The following OLFML2B variants were observed in gnomAD, a reference collection of about 807,000 sequenced individuals.
The protein encoded by OLFML2B is olfactomedin like 2B, also known as olfactomedin-like protein 2B.
Under a neutral mutation model 74.9 loss-of-function variants are expected in OLFML2B, and 57 were observed. That is an observed-to-expected ratio of 0.76 (90% CI 0.61 to 0.95). OLFML2B has a LOEUF of 0.95. Ranked by LOEUF, OLFML2B falls within the 40% of genes least tolerant of loss-of-function variation. The probability of loss-of-function intolerance (pLI) is 0.00; values close to 1 mark genes in which losing one functional copy is unlikely to be tolerated. For missense variants in OLFML2B, 986 were observed against 970.6 expected (o/e 1.02, Z -0.21); for synonymous variants, 388 against 405.8 (o/e 0.96, Z 0.53).
At position 161,984,958 on chromosome 1, in the gene OLFML2B, GGAGAGAGT is replaced by G; in HGVS notation, c.1489_1496del (p.Thr497HisfsTer15). 1 of 1,610,276 alleles carries G rather than the reference GGAGAGAGT, an allele frequency of 6.2e-7. No homozygotes were observed. Among genetic ancestry groups the G allele is most frequent in the Non-Finnish European group, 8.5e-7 (1 of 1,178,948 alleles). ...TCTGGGTGGTCGGCCCCGTGATTGT[GGAGAGAGT>G]GTCCTTGCACCTTCCTGGTGGAGAA... On this transcript the variant is annotated frameshift_variant, in exon 7 of 8. Transcript: ENST00000294794. LOFTEE classifies it high-confidence loss of function.
chr1:161,992,124 A>G (rs1406314044), intron 6 of OLFML2B, among the ~76,000 whole-genome samples: 1 of 152,258 alleles, frequency 6.6e-6, no homozygotes, highest in Non-Finnish European at 1.5e-5. Flanking sequence ...TAGATCTTCT[A>G]GATAACTTGC....
chr1:161,992,330 G>A (rs1296794083), intron 6 of OLFML2B, among the ~76,000 whole-genome samples: 1 of 152,242 alleles, frequency 6.6e-6, no homozygotes, highest in African/African-American at 2.4e-5. Context: ...TTAAGGGAAT[G>A]TCGTGGTTGG....
chr1:162,021,705 G>A (rs1044052196), intron 1 of OLFML2B, among the ~76,000 whole-genome samples: 5 of 152,152 alleles, frequency 3.3e-5, no homozygotes, highest in African/African-American at 1.2e-4. Flanking sequence ...TGACTTAAGC[G>A]GCTGTTCTTT....
intron 3 of OLFML2B, among the ~76,000 whole-genome samples, chr1:162,010,369 T>C (rs1690345852): frequency 2.0e-5 from 3 of 152,182 alleles, no homozygotes; most frequent in Admixed American, 2.0e-4. Context: ...AGGTGTCCAC[T>C]GCTAACTTCA....
At chr1:162,011,390 A>C (rs997546321) in intron 3 of OLFML2B, among the ~76,000 whole-genome samples, 7 of 152,190 alleles carry the variant, frequency 4.6e-5, no homozygotes, top group African/African-American at 1.4e-4. Flanking sequence ...CCATCAGCTC[A>C]CCGTGCTCAA....
At chr1:162,020,970 T>C (rs1156859224) in intron 1 of OLFML2B, among the ~76,000 whole-genome samples, 3 of 152,184 alleles carry the variant, frequency 2.0e-5, no homozygotes, top group Non-Finnish European at 4.4e-5. Context: ...GATAAAGAGA[T>C]GGGCCAGATG....
chr1:162,021,260 C>T (rs1376594847), intron 1 of OLFML2B, among the ~76,000 whole-genome samples: 4 of 152,232 alleles, frequency 2.6e-5, no homozygotes, highest in African/African-American at 4.8e-5. Flanking sequence ...TGAACCTAAA[C>T]CCCAGGCCAA....
At chr1:161,993,832 G>C (rs1027530828) in intron 6 of OLFML2B, among the ~76,000 whole-genome samples, 1 of 152,216 alleles carries the variant, frequency 6.6e-6, no homozygotes, top group Admixed American at 6.5e-5. Context: ...TGGACAGCAT[G>C]CATCCGTTGC....
chr1:161,983,652 T>A lies in OLFML2B; in HGVS notation c.*23A>T. 1 of 1,586,622 alleles carries A rather than the reference T, an allele frequency of 6.3e-7. No homozygotes were observed. Among genetic ancestry groups the A allele is most frequent in the South Asian group, 1.2e-5 (1 of 85,880 alleles). On this transcript the variant is annotated 3_prime_UTR_variant, in exon 8 of 8. Coordinates refer to ENST00000294794, the MANE Select transcript of OLFML2B (RefSeq NM_015441.3). ...CAAGGTGCTAGTGACCCCTCTGTGC[T>A]TCTGCTTGTGGGGACAAGGGTGTCA...
rs142806829 is a variant in OLFML2B, at chr1:161,998,241, C to A, written c.1058G>T (p.Arg353Leu). Residue 353 changes from arginine (R) to leucine (L), a missense_variant, in exon 6 of 8, where the codon CGT becomes CTT. Coordinates refer to ENST00000294794, the MANE Select transcript of OLFML2B (RefSeq NM_015441.3). ...TSVTRRPAAT[R>L]QGHSTAVTSD... ...TGTCACAGCAGTGCTGTGTCCCTGA[C>A]GGGTGGCTGCAGGCCTCCGGGTGAC... The A allele has an allele frequency of 4.3e-6, 7 of 1,612,098 alleles. No individual in the cohort carries two copies. The highest frequency in any genetic ancestry group is 1.1e-5 in the South Asian group (1 of 91,022).
At chr1:162,018,822 A>C (rs776467401) in intron 2 of OLFML2B, among the ~76,000 whole-genome samples, 7 of 152,254 alleles carry the variant, frequency 4.6e-5, no homozygotes, top group Non-Finnish European at 1.0e-4. Context: ...TTTAGAAGGT[A>C]AACTCCTTTC....
At chr1:161,988,380 T>C (rs1689645606) in intron 6 of OLFML2B, among the ~76,000 whole-genome samples, 1 of 152,150 alleles carries the variant, frequency 6.6e-6, no homozygotes, top group Non-Finnish European at 1.5e-5. Context: ...GGTGCTTACT[T>C]GGCAAGCTTC....
chr1:162,004,957 T>A (rs1226284199), intron 4 of OLFML2B, among the ~76,000 whole-genome samples: 1 of 152,242 alleles, frequency 6.6e-6, no homozygotes, highest in African/African-American at 2.4e-5. Context: ...AAAGTCTCTC[T>A]TAAATGCTGC....
chr1:161,992,056 T>C (rs1689756588), intron 6 of OLFML2B, among the ~76,000 whole-genome samples: 1 of 152,244 alleles, frequency 6.6e-6, no homozygotes, highest in Non-Finnish European at 1.5e-5. Context: ...TGGATGGCTG[T>C]TTTGCCTACA....
At chr1:161,988,748 A>T (rs1192003942) in intron 6 of OLFML2B, among the ~76,000 whole-genome samples, 1 of 151,758 alleles carries the variant, frequency 6.6e-6, no homozygotes, top group African/African-American at 2.4e-5. Context: ...CTTCCTGCAG[A>T]CTCAGCTCCT....
At chr1:162,008,495 G>A (rs934554272) in intron 3 of OLFML2B, among the ~76,000 whole-genome samples, 1 of 152,180 alleles carries the variant, frequency 6.6e-6, no homozygotes, top group Admixed American at 6.5e-5. Context: ...CCGGCACACA[G>A]ACAGCTCTCA....
intron 3 of OLFML2B, among the ~76,000 whole-genome samples, chr1:162,014,493 T>C (rs1016406708): frequency 3.3e-5 from 5 of 152,242 alleles, no homozygotes; most frequent in African/African-American, 1.2e-4. Flanking sequence ...CTCTCCAATC[T>C]GACCCCTTTT....
intron 1 of OLFML2B, among the ~76,000 whole-genome samples, chr1:162,021,725 T>A (rs1329786089): frequency 1.3e-5 from 2 of 152,214 alleles, no homozygotes; most frequent in African/African-American, 2.4e-5. Context: ...TACGGGCTGA[T>A]AGTAAATTGT....
chr1:162,022,407 C>A (rs1274894282), intron 1 of OLFML2B, among the ~76,000 whole-genome samples: 1 of 152,048 alleles, frequency 6.6e-6, no homozygotes, highest in East Asian at 1.9e-4. Flanking sequence ...CCTGCCACCA[C>A]GCCTGGCTAA....
Sources: allele counts gnomAD v4.1 joint callset (sites outside exome capture counted in the v4.1 genomes callset), GRCh38; gene constraint gnomAD v4.1.1; transcripts MANE v1.5; gene names NCBI Gene and HGNC (gene_info 2026-07-23, HGNC 2026-07-21).